The following PLK5 variants were observed in gnomAD, a reference collection of about 807,000 sequenced individuals.
The protein encoded by PLK5 is polo like kinase 5 (inactive).
PLK5 carries 28 observed loss-of-function variants against 33.7 expected under a neutral mutation model. The observed-to-expected ratio is 0.83, with a 90% CI of 0.62 to 1.14. The LOEUF is 1.14. Ranked by LOEUF, PLK5 falls within the 50% of genes most tolerant of loss-of-function variation. The probability of loss-of-function intolerance (pLI) is 0.00; values close to 1 mark genes in which losing one functional copy is unlikely to be tolerated. For synonymous variants in PLK5, 225 were observed against 202.2 expected, an observed-to-expected ratio of 1.11 and a Z score of -0.96; for missense variants, 492 against 461.5, an observed-to-expected ratio of 1.07 and a Z score of -0.61.
chr19:1,535,458 G>A lies in PLK5; in HGVS notation c.*208G>A. 3.5e-6 allele frequency: 2 copies of A among 568,444 alleles called. No homozygotes were observed. Among genetic ancestry groups the A allele is most frequent in the Non-Finnish European group, 5.9e-6 (2 of 339,496 alleles). 35.2% of individuals were successfully genotyped at this position (568,444 alleles called of 1,614,324 possible). A position where few individuals can be genotyped will look rare whatever the true frequency, so the allele number is the denominator to read the frequency against. The stretch of plus-strand genomic sequence containing the variant: ...ATTAAAGACAATTTGAAATGCTGTA[G>A]GCCATGGTCTGCCTCTCTTTGGGGG... On this transcript the variant is annotated 3_prime_UTR_variant, in exon 14 of 14. Coordinates refer to ENST00000454744, the MANE Select transcript of PLK5 (RefSeq NM_001243079.2).
At chr19:1,527,668 C>A (rs147701899) in intron 6 of PLK5, among the ~76,000 whole-genome samples, 1 of 151,494 alleles carries the variant, frequency 6.6e-6, no homozygotes, top group Non-Finnish European at 1.5e-5. Flanking sequence ...CAGGTGCAGG[C>A]AGGGGATGGA....
rs1568253386 is a variant in PLK5, at chr19:1,529,400, C to T, written c.406-6C>T. 2.0e-6 allele frequency: 3 copies of T among 1,535,434 alleles called. No homozygotes were observed. Among genetic ancestry groups the T allele is most frequent in the Non-Finnish European group, 2.6e-6 (3 of 1,146,684 alleles). ...GCCACCCCCACCCCTGCTGCTCCCACCTCAGAGCTCCCTGTCTGCGAAAGA... is the reference window on the plus strand; with the variant it reads ...GCCACCCCCACCCCTGCTGCTCCCATCTCAGAGCTCCCTGTCTGCGAAAGA... On this transcript the variant is annotated splice_polypyrimidine_tract_variant and splice_region_variant and intron_variant, in intron 9 of 13. Coordinates refer to ENST00000454744, the MANE Select transcript of PLK5 (RefSeq NM_001243079.2).
intron 11 of PLK5, among the ~76,000 whole-genome samples, chr19:1,530,245 G>A (rs1396203063): frequency 3.3e-5 from 5 of 152,050 alleles, no homozygotes. Context: ...CTTAGAGAGG[G>A]AGCCCCAAAC....
intron 9 of PLK5, 69 bp from the exon 10 acceptor site, chr19:1,529,337 C>A: frequency 1.5e-6 from 2 of 1,352,520 alleles, no homozygotes; most frequent in Non-Finnish European, 2.0e-6. Flanking sequence ...CCAGAGCCTG[C>A]CACCCACCTC....
intron 12 of PLK5, among the ~76,000 whole-genome samples, chr19:1,533,241 C>G (rs1278471061): frequency 6.6e-6 from 1 of 151,500 alleles, no homozygotes; most frequent in Admixed American, 6.6e-5. Context: ...TACAGGCACC[C>G]GCCACCACGC....
chr19:1,529,369 G>T, intron 9 of PLK5, 37 bp from the exon 10 acceptor site: 2 of 1,511,970 alleles, frequency 1.3e-6, no homozygotes, highest in Non-Finnish European at 1.8e-6. Context: ...TGGGGCTGGG[G>T]CCGGGGCCAC....
At chr19:1,533,895 C>T in intron 12 of PLK5, 36 bp from the exon 13 acceptor site, 2 of 1,478,574 alleles carry the variant, frequency 1.4e-6, no homozygotes, top group Non-Finnish European at 1.8e-6. Context: ...GGGGACGCCC[C>T]CTGCGTCACG....
Position 1,528,037 on chromosome 19 carries a change from C to T in PLK5, c.104C>T (p.Ser35Phe). 6.5e-7 allele frequency: 1 copy of T among 1,536,156 alleles called. No homozygotes were observed. The highest frequency in any genetic ancestry group is 8.7e-7 in the Non-Finnish European group (1 of 1,146,878). Residue 35 changes from serine to phenylalanine, a missense_variant, in exon 7 of 14, where the codon TCT becomes TTT. By Grantham distance (155) the Ser-to-Phe change is radical (BLOSUM62 -2). Transcript: ENST00000454744. ...EGHYPEPAHL[S>F]ANARRLIVHL... ...CACTACCCCGAACCCGCTCACCTGT[C>T]TGCCAATGCGCGCCGCCTCATCGTG...
At position 1,528,443 on chromosome 19, in the gene PLK5, C is replaced by G. The variant is rs764620512; in HGVS notation, c.328+15C>G. 2.6e-6 allele frequency: 4 copies of G among 1,526,224 alleles called. No individual in the cohort carries two copies. The highest frequency in any genetic ancestry group is 3.5e-6 in the Non-Finnish European group (4 of 1,141,334). The allele number at this position is 1,526,224 out of a possible 1,614,324, so 94.5% of individuals were successfully genotyped here. A position where few individuals can be genotyped will look rare whatever the true frequency, so the allele number is the denominator to read the frequency against. On this transcript the variant is annotated intron_variant, in intron 8 of 13. Coordinates refer to ENST00000454744, the MANE Select transcript of PLK5 (RefSeq NM_001243079.2). ...CCGGCCACCCTGTAAGTACCACCCC[C>G]GCCCACACCTGCCCAACACCTGCCC...
chr19:1,528,361 AC>A lies in PLK5; in HGVS notation c.266del (p.Pro89ArgfsTer98). The A allele has an allele frequency of 1.3e-6, 2 of 1,526,638 alleles. No individual in the cohort carries two copies. Among genetic ancestry groups the A allele is most frequent in the South Asian group, 2.4e-5 (2 of 82,834 alleles). The allele number at this position is 1,526,638 out of a possible 1,614,324, so 94.6% of individuals were successfully genotyped here. A position where few individuals can be genotyped will look rare whatever the true frequency, so the allele number is the denominator to read the frequency against. ...GCCACAGTCCCCCCATCTTCGCCAT[AC>A]CCCCGCCTCTGGGCAGGATCTTCCG... ...SCHSPPIFAI[P>X]PPLGRIFRKV... On this transcript the variant is annotated frameshift_variant, in exon 8 of 14. Transcript: ENST00000454744. LOFTEE classifies it high-confidence loss of function.
chr19:1,532,562 A>G (rs897591330), intron 12 of PLK5, among the ~76,000 whole-genome samples: 11 of 137,684 alleles, frequency 8.0e-5, no homozygotes, highest in Admixed American at 3.3e-4. Flanking sequence ...TCACTCTGTC[A>G]CCCAGGCTGG....
chr19:1,528,107 C>T lies in PLK5; in HGVS notation c.174C>T (p.His58=). Residue 58 remains histidine, a synonymous_variant, in exon 7 of 14, where the codon CAC becomes CAT. Transcript: ENST00000454744. ...PNPAERPSLD[H]LLQDDFFTQG... Reference sequence around the variant, plus strand: ...CGGCCGAGCGGCCCAGCCTGGACCACCTGCTGCAGGACGACTTCTTCACAC... The same window carrying T: ...CGGCCGAGCGGCCCAGCCTGGACCATCTGCTGCAGGACGACTTCTTCACAC... The T allele has an allele frequency of 6.5e-7, 1 of 1,535,814 alleles. No homozygotes were observed. The highest frequency in any genetic ancestry group is 8.7e-7 in the Non-Finnish European group (1 of 1,146,714).
intron 6 of PLK5, 129 bp from the exon 7 acceptor site, chr19:1,527,807 G>A (rs7254791): frequency 0.29 from 262,102 of 918,390 alleles, 44,707 homozygotes; most frequent in East Asian, 0.76. Context: ...AGGTGCAGGC[G>A]GATGTTGGGA....
In PLK5 at chr19:1,535,304, C is replaced by T; in HGVS notation, c.*54C>T. 6.8e-7 allele frequency: 1 copy of T among 1,480,740 alleles called. No individual in the cohort carries two copies. The highest frequency in any genetic ancestry group is 2.4e-5 in the Admixed American group (1 of 41,684). 91.7% of individuals were successfully genotyped at this position (1,480,740 alleles called of 1,614,324 possible). A position where few individuals can be genotyped will look rare whatever the true frequency, so the allele number is the denominator to read the frequency against. ...CATGGTAGTGCCAGGGACCCAGGCT[C>T]CATTTCCATTCCTGTGGCTCCCCCA... On this transcript the variant is annotated 3_prime_UTR_variant, in exon 14 of 14. Coordinates refer to ENST00000454744, the MANE Select transcript of PLK5 (RefSeq NM_001243079.2).
At position 1,527,789 on chromosome 19, in the gene PLK5, A is replaced by G. The variant is rs1913783194; in HGVS notation, c.3-147A>G. 10 of 798,938 alleles carry G rather than the reference A, an allele frequency of 1.3e-5. No homozygotes were observed. The Admixed American group carries it at 2.7e-4, about 21-fold the overall frequency. 49.5% of individuals were successfully genotyped at this position (798,938 alleles called of 1,614,324 possible). A position where few individuals can be genotyped will look rare whatever the true frequency, so the allele number is the denominator to read the frequency against. On this transcript the variant is annotated intron_variant, in intron 6 of 13. Transcript: ENST00000454744. ...CCAAGCAGCGTGCATGGGACTGCAC[A>G]GGGTGCTAGGTGCAGGCGGATGTTG... is the stretch of plus-strand genomic sequence containing the variant.
rs1209495900 is a variant in PLK5, at chr19:1,531,891, G to A, written c.714+8G>A. 3.4e-6 allele frequency: 5 copies of A among 1,471,826 alleles called. No individual in the cohort carries two copies. The highest frequency in any genetic ancestry group is 2.7e-6 in the Non-Finnish European group (3 of 1,116,796). 91.2% of individuals were successfully genotyped at this position (1,471,826 alleles called of 1,614,324 possible). On this transcript the variant is annotated splice_region_variant and intron_variant, in intron 12 of 13. Transcript: ENST00000454744. The stretch of plus-strand genomic sequence containing the variant: ...CCTGCGACCCCCCGGAGGGTAAGTT[G>A]TGGCCTCCTGTGCCCTGGGGGACCA...
rs1157114195 is a variant in PLK5 at position 1,534,128 on chromosome 19, G to C, written c.825+87G>C. The C allele has an allele frequency of 2.1e-5, 21 of 1,000,272 alleles. No individual in the cohort carries two copies. The African/African-American group carries it at 3.5e-4, about 17-fold the overall frequency. 62.0% of individuals were successfully genotyped at this position (1,000,272 alleles called of 1,614,324 possible). ...GGCTGTTACGGAGCAAGCTTTGGGG[G>C]AGCCTTAGGAAGCATTTGCCTCCCA... On this transcript the variant is annotated intron_variant, in intron 13 of 13. Transcript: ENST00000454744.
At position 1,531,830 on chromosome 19, in the gene PLK5, T is replaced by G; in HGVS notation, c.661T>G (p.Leu221Val). 6.5e-7 allele frequency: 1 copy of G among 1,533,864 alleles called. No homozygotes were observed. Among genetic ancestry groups the G allele is most frequent in the Non-Finnish European group, 8.7e-7 (1 of 1,145,856 alleles). The change falls in exon 12 of 14, where the codon TTG (leucine) becomes GTG (valine). Residue 221 changes from leucine to valine, a missense_variant. Transcript: ENST00000454744. Reference sequence around the variant, plus strand: ...CAAATACGGCTTTGGCTACCAGCTCTTGGACGGGGGGCGCACGGGACGGCA... The same window carrying G: ...CAAATACGGCTTTGGCTACCAGCTCGTGGACGGGGGGCGCACGGGACGGCA... ...SSKYGFGYQL[L>V]DGGRTGRHPH...
At chr19:1,527,104 C>A in intron 6 of PLK5, 106 bp downstream of exon 6, 2 of 1,219,036 alleles carry the variant, frequency 1.6e-6, no homozygotes, top group East Asian at 2.7e-5. Context: ...GGGTGGGGCG[C>A]GTGGAACAGG....
Sources: allele counts gnomAD v4.1 joint callset (sites outside exome capture counted in the v4.1 genomes callset), GRCh38; gene constraint gnomAD v4.1.1; transcripts MANE v1.5; gene names NCBI Gene and HGNC (gene_info 2026-07-23, HGNC 2026-07-21).